PHC3: variants seen among roughly 807,000 people sequenced by gnomAD.
The protein encoded by PHC3 is polyhomeotic homolog 3.
In PHC3, 13 loss-of-function variants were observed where a neutral mutation model predicts 107.4. The ratio of observed to expected loss-of-function variants is 0.12; its 90% CI spans 0.08 to 0.19. The LOEUF (loss-of-function observed/expected upper bound fraction) is 0.19. Among genes scored for constraint, PHC3 ranks in the 10% least tolerant of loss-of-function variants. PHC3 has a pLI of 1.00. For synonymous variants in PHC3, 456 were observed against 427.4 expected, an observed-to-expected ratio of 1.07 and a Z score of -0.83; for missense variants, 992 against 1,210.9, an observed-to-expected ratio of 0.82 and a Z score of 2.68.
intron 5 of PHC3, chr3:170,147,866 C>G (rs899769695): frequency 3.3e-5 from 5 of 152,168 alleles, no homozygotes; most frequent in Non-Finnish European, 7.4e-5. Context: ...TATGAAACTG[C>G]TAATTTTAGA....
chr3:170,117,490 CAA>C lies in PHC3; in HGVS notation c.1943-16_1943-15del, dbSNP rs772413415. Reference sequence around the variant, plus strand: ...ATTCCACTTGCTCTGAAAAAAAAACCAAAAAGTCATTTAAAAATTTTTTTAGC... The same window carrying C: ...ATTCCACTTGCTCTGAAAAAAAAACCAAAGTCATTTAAAAATTTTTTTAGC... On this transcript the variant is annotated splice_polypyrimidine_tract_variant and intron_variant, in intron 9 of 14. Transcript: ENST00000495893. The C allele has an allele frequency of 7.0e-6, 11 of 1,581,228 alleles. No homozygotes were observed. Among genetic ancestry groups the C allele is most frequent in the Non-Finnish European group, 9.4e-6 (11 of 1,167,378 alleles).
intron 10 of PHC3, among the ~76,000 whole-genome samples, chr3:170,114,493 G>C (rs1718516798): frequency 6.6e-6 from 1 of 152,084 alleles, no homozygotes; most frequent in Non-Finnish European, 1.5e-5. Context: ...AAATGTTTAG[G>C]TGATTTGTTT....
At chr3:170,155,287 T>G (rs1726710694) in intron 4 of PHC3, among the ~76,000 whole-genome samples, 1 of 152,220 alleles carries the variant, frequency 6.6e-6, no homozygotes, top group Admixed American at 6.5e-5. Flanking sequence ...AAAAGAATGA[T>G]GTATCTGTAT....
At chr3:170,177,666 ATTTT>A (rs67401455) in intron 2 of PHC3, among the ~76,000 whole-genome samples, 6 of 101,960 alleles carry the variant, frequency 5.9e-5, no homozygotes, top group South Asian at 3.3e-4. Context: ...CACGCCCAGC[ATTTT>A]TTTTTTTTTT....
intron 2 of PHC3, among the ~76,000 whole-genome samples, chr3:170,172,927 C>T (rs1729840072): frequency 6.6e-6 from 1 of 151,942 alleles, no homozygotes; most frequent in South Asian, 2.1e-4. Flanking sequence ...CACGGTGGCT[C>T]ACGCCTGTTA....
chr3:170,164,085 C>G (rs1728346392), intron 4 of PHC3, among the ~76,000 whole-genome samples: 1 of 151,746 alleles, frequency 6.6e-6, no homozygotes, highest in East Asian at 1.9e-4. Context: ...ACCCATAGTC[C>G]CAACTACTCA....
intron 2 of PHC3, among the ~76,000 whole-genome samples, chr3:170,173,331 T>C (rs1729920648): frequency 6.6e-6 from 1 of 152,172 alleles, no homozygotes; most frequent in African/African-American, 2.4e-5. Flanking sequence ...TTTCCAACTT[T>C]CAGATGGATA....
At chr3:170,125,721 C>T (rs1721138093) in intron 8 of PHC3, among the ~76,000 whole-genome samples, 1 of 152,038 alleles carries the variant, frequency 6.6e-6, no homozygotes, top group Non-Finnish European at 1.5e-5. Context: ...TATGTACTTC[C>T]AGAACTCTCA....
rs151115459 is a variant in PHC3, at chr3:170,151,368, T to C, written c.415-2124A>G. Among the ~76,000 whole-genome samples, 296 of 152,304 alleles carry C rather than the reference T, an allele frequency of 1.9e-3. 2 individuals carry two copies. The highest frequency in any genetic ancestry group is 6.6e-3 in the African/African-American group (273 of 41,568). On this transcript the variant is annotated intron_variant, in intron 4 of 14. Transcript: ENST00000495893. ...TTCTTATTCAAGCAACAAGGCAGACTGGACTAATACATCCATGTGACCAAA... is the reference window on the plus strand; with the variant it reads ...TTCTTATTCAAGCAACAAGGCAGACCGGACTAATACATCCATGTGACCAAA...
chr3:170,143,787 T>A (rs1032451303), intron 6 of PHC3, among the ~76,000 whole-genome samples: 3 of 152,124 alleles, frequency 2.0e-5, no homozygotes, highest in Non-Finnish European at 2.9e-5. Context: ...CCCCAACCAA[T>A]ATACAGAACA....
intron 13 of PHC3, 42 bp from the exon 14 acceptor site, chr3:170,102,752 C>A (rs1715718801): frequency 6.2e-7 from 1 of 1,613,066 alleles, no homozygotes. Context: ...TTGCACTTTC[C>A]TTGCATTTCT....
At chr3:170,145,272 T>C in intron 6 of PHC3, 151 bp downstream of exon 6, 1 of 539,828 alleles carries the variant, frequency 1.9e-6, no homozygotes, top group Non-Finnish European at 3.2e-6. Context: ...AACATTTTCT[T>C]GAAGTTCTCA....
rs1024585915 is a variant in PHC3, at chr3:170,144,871, A to C, written c.672+552T>G. On this transcript the variant is annotated intron_variant, in intron 6 of 14. Coordinates refer to ENST00000495893, the MANE Select transcript of PHC3 (RefSeq NM_024947.4). ...CAGCAGCGCAGCACCACACTTAAAC[A>C]ATTTTTTTTATTTTTAGTAAAGACC... Among the ~76,000 whole-genome samples the C allele has an allele frequency of 5.3e-5, 8 of 152,110 alleles. No individual in the cohort carries two copies. In the East Asian group the frequency reaches 1.2e-3, roughly 22 times the overall value.
chr3:170,110,486 C>A (rs1717433637), intron 11 of PHC3, among the ~76,000 whole-genome samples: 1 of 152,272 alleles, frequency 6.6e-6, no homozygotes, highest in Non-Finnish European at 1.5e-5. Context: ...AAATCCACGA[C>A]CCACTTCAAA....
At chr3:170,129,802 C>T (rs1038791359) in intron 7 of PHC3, among the ~76,000 whole-genome samples, 2 of 152,042 alleles carry the variant, frequency 1.3e-5, no homozygotes, top group Non-Finnish European at 2.9e-5. Flanking sequence ...CTGGTTCAAG[C>T]GATTCTCCTG....
intron 4 of PHC3, among the ~76,000 whole-genome samples, chr3:170,165,266 G>C (rs977905554): frequency 4.6e-5 from 7 of 152,072 alleles, no homozygotes; most frequent in African/African-American, 1.4e-4. Context: ...ATTGCATTAA[G>C]GCAGCACACT....
intron 4 of PHC3, among the ~76,000 whole-genome samples, chr3:170,168,605 T>C (rs144209283): frequency 2.0e-5 from 3 of 152,016 alleles, no homozygotes; most frequent in Non-Finnish European, 4.4e-5. Context: ...CTCTAAAAAA[T>C]TAGCAGGGTG....
At chr3:170,144,996 CT>C (rs1302013154) in intron 6 of PHC3, among the ~76,000 whole-genome samples, 1 of 152,242 alleles carries the variant, frequency 6.6e-6, no homozygotes, top group Admixed American at 6.5e-5. Context: ...GCATGAGCCA[CT>C]GCACCTGACC....
At position 170,089,560 on chromosome 3, in the gene PHC3, C is replaced by CA. The variant is rs1467096392; in HGVS notation, c.*7669dup. The CA allele has an allele frequency of 1.3e-5, 2 of 152,038 alleles. No individual in the cohort carries two copies. Among genetic ancestry groups the CA allele is most frequent in the Non-Finnish European group, 2.9e-5 (2 of 67,978 alleles). The allele number at this position is 152,038 out of a possible 1,614,324, so 9.4% of individuals were successfully genotyped here. ...TGTGTAATCTTTCTTAATTTAAAAA[C>CA]AAAAAATAAATGAACAAGTCAGTTC... On this transcript the variant is annotated 3_prime_UTR_variant, in exon 15 of 15. Transcript: ENST00000495893.
Sources: allele counts gnomAD v4.1 joint callset (sites outside exome capture counted in the v4.1 genomes callset), GRCh38; gene constraint gnomAD v4.1.1; transcripts MANE v1.5; gene names NCBI Gene and HGNC (gene_info 2026-07-23, HGNC 2026-07-21).